The following ANKRD6 variants were observed in gnomAD, a reference collection of about 807,000 sequenced individuals.
ANKRD6 encodes the protein ankyrin repeat domain-containing protein 6.
ANKRD6 carries 56 observed loss-of-function variants against 82.3 expected under a neutral mutation model. The observed-to-expected ratio is 0.68, with a 90% confidence interval of 0.55 to 0.85. The LOEUF (loss-of-function observed/expected upper bound fraction) is 0.85. ANKRD6 is among the 40% of genes least tolerant of loss of function. The pLI is 0.00. For synonymous variants in ANKRD6, 347 were observed against 352.1 expected, an observed-to-expected ratio of 0.99 and a Z score of 0.16; for missense variants, 852 against 907.6, an observed-to-expected ratio of 0.94 and a Z score of 0.79.
chr6:89,520,578 G>A (rs1461046532), intron 1 of ANKRD6, among the ~76,000 whole-genome samples: 1 of 152,238 alleles, frequency 6.6e-6, no homozygotes, highest in Non-Finnish European at 1.5e-5. Flanking sequence ...CAGGTGGGAT[G>A]TGGTGTTCAG....
At chr6:89,514,255 G>A (rs897998825) in intron 1 of ANKRD6, among the ~76,000 whole-genome samples, 3 of 152,088 alleles carry the variant, frequency 2.0e-5, no homozygotes, top group East Asian at 1.9e-4. Flanking sequence ...GCATGTACCC[G>A]TAATCCGAGC....
At chr6:89,582,841 A>T (rs542117917) in intron 2 of ANKRD6, among the ~76,000 whole-genome samples, 64 of 152,276 alleles carry the variant, frequency 4.2e-4, no homozygotes, top group African/African-American at 1.5e-3. Context: ...TACCTCAAGG[A>T]TATGTGGTGA....
chr6:89,459,078 G>A (rs1230447371), intron 1 of ANKRD6, among the ~76,000 whole-genome samples: 1 of 152,074 alleles, frequency 6.6e-6, no homozygotes, highest in East Asian at 1.9e-4. Flanking sequence ...AAATGAATAT[G>A]TCTTTTTTTT....
At chr6:89,524,448 C>G (rs1782227156) in intron 1 of ANKRD6, among the ~76,000 whole-genome samples, 3 of 152,126 alleles carry the variant, frequency 2.0e-5, no homozygotes, top group Admixed American at 1.3e-4. Context: ...CTACACCATC[C>G]AGACTGCTGA....
At position 89,630,807 on chromosome 6, in the gene ANKRD6, C is replaced by T. The variant is rs993045124; in HGVS notation, c.1987C>T (p.Gln663Ter). The change falls in exon 16 of 16, where the codon CAA (glutamine) becomes TAA (stop). Residue 663 changes from glutamine (Q) to a stop codon, truncating the protein, a stop_gained. Coordinates refer to ENST00000339746, the MANE Select transcript of ANKRD6 (RefSeq NM_001242809.2). LOFTEE classifies it high-confidence loss of function. ...TGGCCCTCACATTCGGGACACCTCC[C>T]AAGCTCTGGAGCTTACCCAGTATTT... The part of the protein sequence containing the change: ...QTGPHIRDTS[Q>*]ALELTQYFFE... 6.2e-7 allele frequency: 1 copy of T among 1,613,988 alleles called. No individual in the cohort carries two copies. The highest frequency in any genetic ancestry group is 1.3e-5 in the African/African-American group (1 of 75,064).
chr6:89,605,646 A>C (rs1417894472), intron 4 of ANKRD6, among the ~76,000 whole-genome samples: 1 of 152,170 alleles, frequency 6.6e-6, no homozygotes, highest in Non-Finnish European at 1.5e-5. Context: ...GAAGAAATAG[A>C]TGGCATGCTA....
rs561690319 is a variant in ANKRD6, at chr6:89,613,943, C to T, written c.615+53C>T. Reference sequence around the variant, plus strand: ...GCCAGCACCCTTCCCACAAGGCTACCGGACAGGTCTGTTAGTGCAAACGGG... The same window carrying T: ...GCCAGCACCCTTCCCACAAGGCTACTGGACAGGTCTGTTAGTGCAAACGGG... On this transcript the variant is annotated intron_variant, in intron 7 of 15. Transcript: ENST00000339746. 1.1e-5 allele frequency: 17 copies of T among 1,583,160 alleles called. No homozygotes were observed. The Admixed American group carries it at 1.2e-4, about 11-fold the overall frequency.
intron 1 of ANKRD6, chr6:89,478,036 C>T (rs1776288160): frequency 6.6e-6 from 1 of 152,052 alleles, no homozygotes; most frequent in African/African-American, 2.4e-5. Flanking sequence ...AGATTGTGAC[C>T]TTATTTAGAG....
At position 89,506,986 on chromosome 6, in the gene ANKRD6, A is replaced by G. The variant is rs184376046; in HGVS notation, c.-143-59848A>G. Among the ~76,000 whole-genome samples the G allele has an allele frequency of 2.1e-4, 32 of 152,364 alleles. No homozygotes were observed. In the East Asian group the frequency reaches 5.8e-3, roughly 28 times the overall value. The stretch of plus-strand genomic sequence containing the variant: ...CAGTGTTGAGGATTCCATATGCAAT[A>G]TAAATAAGACTCTATGCTAAACACT... On this transcript the variant is annotated intron_variant, in intron 1 of 15. Coordinates refer to ENST00000339746, the MANE Select transcript of ANKRD6 (RefSeq NM_001242809.2).
At chr6:89,602,757 T>C in intron 3 of ANKRD6, 1 of 419,608 alleles carries the variant, frequency 2.4e-6, no homozygotes, top group Non-Finnish European at 4.4e-6. Flanking sequence ...CTGACCCTCA[T>C]TTTGAGGTTG....
chr6:89,512,383 A>G (rs1324735500), intron 1 of ANKRD6, among the ~76,000 whole-genome samples: 1 of 152,210 alleles, frequency 6.6e-6, no homozygotes, highest in East Asian at 1.9e-4. Context: ...CAGATTTGTC[A>G]TTGCACTCTA....
At chr6:89,563,830 G>A (rs557259774) in intron 1 of ANKRD6, among the ~76,000 whole-genome samples, 7 of 152,278 alleles carry the variant, frequency 4.6e-5, no homozygotes, top group Admixed American at 3.9e-4. Context: ...CATTGTTCTA[G>A]ATGGGAGGTA....
At chr6:89,542,358 A>T (rs1784539839) in intron 1 of ANKRD6, among the ~76,000 whole-genome samples, 3 of 152,170 alleles carry the variant, frequency 2.0e-5, no homozygotes, top group Non-Finnish European at 4.4e-5. Flanking sequence ...CCTGTTGATG[A>T]TTATTGTCAA....
chr6:89,511,116 A>G (rs1780494923), intron 1 of ANKRD6, among the ~76,000 whole-genome samples: 1 of 152,210 alleles, frequency 6.6e-6, no homozygotes, highest in South Asian at 2.1e-4. Context: ...CCGCATTGCA[A>G]GGCTGAGGTC....
intron 1 of ANKRD6, chr6:89,561,667 G>A (rs954169352): frequency 5.9e-5 from 9 of 152,250 alleles, no homozygotes; most frequent in African/African-American, 1.9e-4. Context: ...AGTACGGATT[G>A]AGTCACATTC....
At chr6:89,506,057 G>A (rs1246053619) in intron 1 of ANKRD6, among the ~76,000 whole-genome samples, 1 of 152,134 alleles carries the variant, frequency 6.6e-6, no homozygotes, top group South Asian at 2.1e-4. Flanking sequence ...CTGGGGGAGG[G>A]CGGTGGAAGC....
chr6:89,495,329 T>G (rs1021299588), intron 1 of ANKRD6, among the ~76,000 whole-genome samples: 1 of 152,184 alleles, frequency 6.6e-6, no homozygotes. Flanking sequence ...GGAGCACTGG[T>G]CCAACTTCAG....
At chr6:89,498,004 C>T (rs749151631) in intron 1 of ANKRD6, among the ~76,000 whole-genome samples, 9 of 152,068 alleles carry the variant, frequency 5.9e-5, no homozygotes, top group Non-Finnish European at 1.0e-4. Context: ...ACTTTCATTG[C>T]GCATAATGTT....
At chr6:89,490,887 T>G (rs1294403668) in intron 1 of ANKRD6, among the ~76,000 whole-genome samples, 2 of 152,140 alleles carry the variant, frequency 1.3e-5, no homozygotes, top group African/African-American at 2.4e-5. Flanking sequence ...GAATATTCCC[T>G]TATTTTAAAA....
Sources: allele counts gnomAD v4.1 joint callset (sites outside exome capture counted in the v4.1 genomes callset), GRCh38; gene constraint gnomAD v4.1.1; transcripts MANE v1.5; gene names NCBI Gene and HGNC (gene_info 2026-07-23, HGNC 2026-07-21).